Variants in PTPRS observed in about 807,000 individuals in gnomAD.
PTPRS encodes the protein protein tyrosine phosphatase receptor type S, also known as receptor-type tyrosine-protein phosphatase S.
A neutral mutation model predicts 215.3 loss-of-function variants in PTPRS; 63 were observed. That is an observed-to-expected ratio of 0.29 (90% confidence interval 0.24 to 0.36). The LOEUF (loss-of-function observed/expected upper bound fraction) is 0.36. Among genes scored for constraint, PTPRS ranks in the 10% least tolerant of loss-of-function variants. PTPRS has a pLI of 1.00. For missense variants in PTPRS, 2,258 were observed against 2,825.8 expected, an observed-to-expected ratio of 0.80 and a Z score of 4.56; for synonymous variants, 1,404 against 1,191.4, an observed-to-expected ratio of 1.18 and a Z score of -3.68.
At chr19:5,319,112 C>T (rs565304118) in intron 1 of PTPRS, among the ~76,000 whole-genome samples, 1 of 152,268 alleles carries the variant, frequency 6.6e-6, no homozygotes, top group South Asian at 2.1e-4. Flanking sequence ...GATACTCTAC[C>T]TTCAAAAGCC....
intron 1 of PTPRS, among the ~76,000 whole-genome samples, chr19:5,288,615 G>A (rs774773585): frequency 5.1e-4 from 77 of 152,220 alleles, no homozygotes; most frequent in Admixed American, 1.3e-3. Context: ...GCCACACTGA[G>A]GGGGCGAGGT....
At chr19:5,246,691 C>T (rs539052613) in intron 9 of PTPRS, among the ~76,000 whole-genome samples, 3 of 152,296 alleles carry the variant, frequency 2.0e-5, no homozygotes, top group African/African-American at 7.2e-5. Flanking sequence ...TGTCAGTCCC[C>T]CACTCCCCAG....
intron 14 of PTPRS, 98 bp from the exon 15 acceptor site, chr19:5,229,782 G>T: frequency 2.8e-6 from 2 of 723,888 alleles, no homozygotes; most frequent in Non-Finnish European, 3.8e-6. Flanking sequence ...AGGATGCCGA[G>T]TGGCTGCCGG....
At chr19:5,215,649 GACTC>G in intron 26 of PTPRS, 54 bp from the exon 27 acceptor site, 1 of 1,248,436 alleles carries the variant, frequency 8.0e-7, no homozygotes, top group South Asian at 1.4e-5. Context: ...GCCAGCCGGG[GACTC>G]GGGGGAGGGG....
At chr19:5,225,886 G>A (rs1485486052) in intron 16 of PTPRS, 42 bp from the exon 17 acceptor site, 4 of 1,517,736 alleles carry the variant, frequency 2.6e-6, no homozygotes, top group African/African-American at 1.4e-5. Flanking sequence ...CTGGGGCTGG[G>A]AGCAGCCCCA....
At position 5,284,376 on chromosome 19, in the gene PTPRS, AAAATAAATAAATAAATAAAT is replaced by A. The variant is rs367661299; in HGVS notation, c.91+1654_91+1673del. Among the ~76,000 whole-genome samples, 6 of 119,584 alleles carry A rather than the reference AAAATAAATAAATAAATAAAT, an allele frequency of 5.0e-5. No homozygotes were observed. The South Asian group carries it at 1.7e-3, about 33-fold the overall frequency. The allele number at this position is 119,584 out of a possible 152,430, so 78.5% of individuals were successfully genotyped here. On this transcript the variant is annotated intron_variant, in intron 2 of 37. Transcript: ENST00000262963. Reference sequence around the variant, plus strand: ...CTCTGTCACAAAAAATTAATTAATTAAAATAAATAAATAAATAAATAAATAAATAAATAAATAAATAAAAA... The same window carrying A: ...CTCTGTCACAAAAAATTAATTAATTAAAATAAATAAATAAATAAATAAAAA...
chr19:5,287,851 T>G lies in PTPRS; in HGVS notation c.-94-1617A>C, dbSNP rs2048476879. Among the ~76,000 whole-genome samples the G allele has an allele frequency of 6.7e-6, 1 of 150,342 alleles. No individual in the cohort carries two copies. The highest frequency in any genetic ancestry group is 2.5e-5 in the African/African-American group (1 of 40,722). ...AAATCACGCCACAGACATACACAGA[T>G]GCACACAGTCAAACCACCGATACAC... On this transcript the variant is annotated intron_variant, in intron 1 of 37. Transcript: ENST00000262963. This position sits in a 1 kb window ranked among gnomAD's most constrained non-coding sequence, Gnocchi z 4.8.
At chr19:5,317,643 A>G (rs1279281285) in intron 1 of PTPRS, among the ~76,000 whole-genome samples, 2 of 152,186 alleles carry the variant, frequency 1.3e-5, no homozygotes, top group African/African-American at 4.8e-5. Context: ...ATTTTCCTAA[A>G]ATAGGACAGG....
Position 5,222,149 on chromosome 19 carries a change from T to A in PTPRS, c.3175A>T (p.Asn1059Tyr). The A allele has an allele frequency of 1.2e-6, 2 of 1,613,912 alleles. No individual in the cohort carries two copies. Among genetic ancestry groups the A allele is most frequent in the Non-Finnish European group, 1.7e-6 (2 of 1,179,928 alleles). ...TTGTAGGGTGTGGGTGAGTTGTAGT[T>A]GTCAGGGAACTCCCAGCTGAGCAGA... is the stretch of plus-strand genomic sequence containing the variant. Reference protein sequence around the residue: ...SVLLSWEFPDNYNSPTPYKIQ... With the variant: ...SVLLSWEFPDYYNSPTPYKIQ... Residue 1059 changes from asparagine (N) to tyrosine (Y), a missense_variant, in exon 19 of 38, where the codon AAC becomes TAC. Physicochemically the swap from Asn to Tyr is moderately radical, Grantham distance 143 (BLOSUM62 -2). Transcript: ENST00000262963.
At chr19:5,232,455 T>A (rs2043095915) in intron 13 of PTPRS, among the ~76,000 whole-genome samples, 1 of 151,528 alleles carries the variant, frequency 6.6e-6, no homozygotes, top group Non-Finnish European at 1.5e-5. Flanking sequence ...ACTCAACACC[T>A]ACTATGTACC....
At chr19:5,267,711 G>A (rs2046531917) in intron 4 of PTPRS, among the ~76,000 whole-genome samples, 1 of 134,478 alleles carries the variant, frequency 7.4e-6, no homozygotes, top group African/African-American at 2.8e-5. Context: ...TAATAACCGT[G>A]CCCCCCCGCC....
intron 1 of PTPRS, among the ~76,000 whole-genome samples, chr19:5,304,805 G>T (rs981015959): frequency 6.6e-6 from 1 of 152,080 alleles, no homozygotes; most frequent in African/African-American, 2.4e-5. Context: ...CAGGTAGAAG[G>T]AACAGCATAT....
At chr19:5,337,446 G>C (rs918714922) in intron 1 of PTPRS, among the ~76,000 whole-genome samples, 1 of 152,172 alleles carries the variant, frequency 6.6e-6, no homozygotes, top group African/African-American at 2.4e-5. Context: ...TATTGTATTG[G>C]GGCCATGCAG....
At position 5,287,489 on chromosome 19, in the gene PTPRS, C is replaced by T. The variant is rs111500739; in HGVS notation, c.-94-1255G>A. Among the ~76,000 whole-genome samples, 1 of 152,200 alleles carries T rather than the reference C, an allele frequency of 6.6e-6. No homozygotes were observed. The highest frequency in any genetic ancestry group is 1.5e-5 in the Non-Finnish European group (1 of 68,028). On this transcript the variant is annotated intron_variant, in intron 1 of 37. Transcript: ENST00000262963. The surrounding 1 kb of genome is among the most constrained non-coding windows in gnomAD (Gnocchi z 4.8). ...TCCCCAATCTCCACTCTGTCCAGAG[C>T]CAGGTCAGAGGGCCAGGGAGGGGAA...
chr19:5,319,145 C>G (rs1313708219), intron 1 of PTPRS, among the ~76,000 whole-genome samples: 2 of 152,190 alleles, frequency 1.3e-5, no homozygotes, highest in Admixed American at 6.5e-5. Context: ...GGCGCAGTGG[C>G]TCACATCTGG....
chr19:5,322,898 A>AAAAAAAAAAG (rs775619490), intron 1 of PTPRS, among the ~76,000 whole-genome samples: 3 of 120,286 alleles, frequency 2.5e-5, no homozygotes, highest in African/African-American at 3.0e-5. Flanking sequence ...AAAAAAAAAA[A>AAAAAAAAAAG]AAGAAGAAGA....
At chr19:5,238,200 G>A (rs1026608401) in intron 13 of PTPRS, among the ~76,000 whole-genome samples, 4 of 152,108 alleles carry the variant, frequency 2.6e-5, no homozygotes, top group Admixed American at 1.3e-4. Flanking sequence ...GTCCAGCTCC[G>A]AGTTTAGAGA....
rs770695076 is a variant in PTPRS, at chr19:5,222,243, G to A, written c.3104-23C>T. On this transcript the variant is annotated intron_variant, in intron 18 of 37. Transcript: ENST00000262963. ...AGACTGCCGGGGAGGCGGCCGAGCA[G>A]GGAGAGAGCAGAAGAGAGGCCCCAT... 8 of 1,595,922 alleles carry A rather than the reference G, an allele frequency of 5.0e-6. No individual in the cohort carries two copies. The South Asian group carries it at 5.5e-5, about 11-fold the overall frequency.
At chr19:5,330,076 C>CAAAAA (rs10690740) in intron 1 of PTPRS, among the ~76,000 whole-genome samples, 8 of 74,454 alleles carry the variant, frequency 1.1e-4, no homozygotes, top group Admixed American at 4.7e-4. Context: ...GACTCTGTCT[C>CAAAAA]AAAAAAAAAA....
Sources: gnomAD v4.1 joint callset for allele counts (sites outside exome capture counted in the v4.1 genomes callset) on GRCh38, gnomAD v4.1.1 for gene constraint, Gnocchi (gnomAD v3.1) non-coding constraint, MANE v1.5 for transcripts, NCBI Gene and HGNC (gene_info 2026-07-23, HGNC 2026-07-21) for gene names.